Variants in XRCC4 observed in about 807,000 individuals in gnomAD.
The protein encoded by XRCC4 is X-ray repair cross complementing 4.
Under a neutral mutation model 39.1 loss-of-function variants are expected in XRCC4, and 28 were observed. That is an observed-to-expected ratio of 0.72 (90% confidence interval 0.53 to 0.98). The LOEUF is 0.98. Ranked by LOEUF, XRCC4 falls within the 50% of genes least tolerant of loss-of-function variation. The pLI, the probability that XRCC4 is intolerant of heterozygous loss-of-function variation, is 0.00. For missense variants in XRCC4, 350 were observed against 376.4 expected (o/e 0.93, Z 0.58); for synonymous variants, 123 against 126.4 (o/e 0.97, Z 0.18).
chr5:83,113,581 C>T (rs1277842827), intron 3 of XRCC4, among the ~76,000 whole-genome samples: 1 of 152,172 alleles, frequency 6.6e-6, no homozygotes, highest in East Asian at 1.9e-4. Context: ...GAGGGCCCTG[C>T]CCCTGCAGCA....
chr5:83,359,365 T>C, the XRCC4 span, among the ~76,000 whole-genome samples: 20 of 152,158 alleles, frequency 1.3e-4, no homozygotes, highest in Middle Eastern at 6.8e-3. Context: ...CTAGCCAGAG[T>C]TGATTAGATC....
At chr5:83,162,315 C>A (rs1384345794) in intron 3 of XRCC4, among the ~76,000 whole-genome samples, 1 of 152,032 alleles carries the variant, frequency 6.6e-6, no homozygotes, top group East Asian at 1.9e-4. Context: ...AAGTTGGTTA[C>A]CCTGCTTGCT....
chr5:83,127,939 A>AGTTT (rs1220153847), intron 3 of XRCC4, among the ~76,000 whole-genome samples: 3 of 141,630 alleles, frequency 2.1e-5, no homozygotes, highest in Middle Eastern at 3.6e-3. Flanking sequence ...TAGTTTTGTT[A>AGTTT]GTTTGTTTGT....
chr5:83,164,319 C>G (rs1391733317), intron 3 of XRCC4, among the ~76,000 whole-genome samples: 1 of 152,094 alleles, frequency 6.6e-6, no homozygotes, highest in Admixed American at 6.5e-5. Context: ...TTTTGTTATG[C>G]ATCTTTTAAA....
intron 7 of XRCC4, among the ~76,000 whole-genome samples, chr5:83,282,405 T>A (rs1340743202): frequency 1.3e-5 from 2 of 152,152 alleles, no homozygotes; most frequent in African/African-American, 2.4e-5. Context: ...AGTATAGGAT[T>A]CCATAGGAGT....
Position 83,203,664 on chromosome 5 carries a change from T to G in XRCC4, c.595T>G (p.Leu199Val). The change falls in exon 5 of 8, where the codon TTA becomes GTA. Residue 199 changes from leucine to valine, a missense_variant. Coordinates refer to ENST00000396027, the MANE Select transcript of XRCC4 (RefSeq NM_003401.5). ...TKIRSLHNKL[L>V]NAAQEREKDI... ...AATCAGAAGTTTGCATAATAAATTA[T>G]TAAATGCAGCTCAAGAACGAGAAAA... 3 of 1,609,806 alleles carry G rather than the reference T, an allele frequency of 1.9e-6. No individual in the cohort carries two copies. The highest frequency in any genetic ancestry group is 2.5e-6 in the Non-Finnish European group (3 of 1,178,370).
rs761479059 is a variant in XRCC4, at chr5:83,203,591, T to G, written c.522T>G (p.Thr174=). 11 of 1,604,096 alleles carry G rather than the reference T, an allele frequency of 6.9e-6. No individual in the cohort carries two copies. Among genetic ancestry groups the G allele is most frequent in the African/African-American group, 5.4e-5 (4 of 74,216 alleles). ...KCVSAKEALE[T]DLYKRFILVL... ...TGAGTGCTAAGGAAGCTTTGGAGAC[T>G]GATCTTTATAAGCGGTTTATTCTGG... Residue 174 remains threonine, a synonymous_variant, in exon 5 of 8, where the codon ACT becomes ACG. Coordinates refer to ENST00000396027, the MANE Select transcript of XRCC4 (RefSeq NM_003401.5).
chr5:83,321,383 G>T (rs1219313534), intron 7 of XRCC4, among the ~76,000 whole-genome samples: 1 of 152,050 alleles, frequency 6.6e-6, no homozygotes, highest in African/African-American at 2.4e-5. Context: ...AGATATTTTG[G>T]AATGATGTAG....
chr5:83,137,254 T>C (rs1374522045), intron 3 of XRCC4, among the ~76,000 whole-genome samples: 2 of 152,164 alleles, frequency 1.3e-5, no homozygotes, highest in Admixed American at 6.5e-5. Flanking sequence ...ATATTTTATA[T>C]ATGAATGAAG....
chr5:83,160,631 C>G (rs75777480), intron 3 of XRCC4, among the ~76,000 whole-genome samples: 3 of 152,080 alleles, frequency 2.0e-5, no homozygotes, highest in Non-Finnish European at 2.9e-5. Context: ...ATTCTTACTT[C>G]GGAAAATATT....
At chr5:83,313,777 A>T (rs1027895623) in intron 7 of XRCC4, among the ~76,000 whole-genome samples, 1 of 152,066 alleles carries the variant, frequency 6.6e-6, no homozygotes, top group African/African-American at 2.4e-5. Context: ...GCTATTCTTG[A>T]TCACAGTATT....
intron 5 of XRCC4, among the ~76,000 whole-genome samples, chr5:83,204,062 G>T (rs1290386479): frequency 2.6e-5 from 4 of 152,130 alleles, no homozygotes; most frequent in Non-Finnish European, 5.9e-5. Flanking sequence ...TCTAGGCAAT[G>T]ATTAACTTTA....
At chr5:83,219,513 A>C (rs561061413) in intron 6 of XRCC4, among the ~76,000 whole-genome samples, 5 of 152,194 alleles carry the variant, frequency 3.3e-5, no homozygotes, top group African/African-American at 7.2e-5. Flanking sequence ...GAAGTCTACA[A>C]TAGACGAGAT....
chr5:83,176,628 A>ATT (rs112213729), intron 3 of XRCC4, among the ~76,000 whole-genome samples: 47,565 of 145,640 alleles, frequency 0.33, 8,335 homozygotes, highest in Non-Finnish European at 0.4. Context: ...AAGTATTGGA[A>ATT]TTTTTTTTTT....
chr5:83,247,244 C>T (rs16900261), intron 6 of XRCC4, among the ~76,000 whole-genome samples: 8,598 of 152,196 alleles, frequency 0.056, 891 homozygotes, highest in East Asian at 0.48. Flanking sequence ...AGGTAGCCAA[C>T]CAAGTAAGAT....
intron 3 of XRCC4, among the ~76,000 whole-genome samples, chr5:83,170,991 A>G (rs1749696176): frequency 6.6e-6 from 1 of 152,160 alleles, no homozygotes; most frequent in African/African-American, 2.4e-5. Flanking sequence ...CTAGTTTCAG[A>G]AAAGGAAAAA....
rs547431664 is a variant in XRCC4, at chr5:83,094,005, A to C, written c.-10-10905A>C. ...TTTTATTGGAACCCTTTTATGTGTG[A>C]TTTCTTTATTATCTTTTGCTGTTTT... is the stretch of plus-strand genomic sequence containing the variant. On this transcript the variant is annotated intron_variant, in intron 1 of 7. Coordinates refer to ENST00000396027, the MANE Select transcript of XRCC4 (RefSeq NM_003401.5). Among the ~76,000 whole-genome samples, 4 of 151,876 alleles carry C rather than the reference A, an allele frequency of 2.6e-5. No homozygotes were observed. In the South Asian group the frequency reaches 8.3e-4, roughly 32 times the overall value.
chr5:83,341,347 C>A (rs1756753225), intron 7 of XRCC4, among the ~76,000 whole-genome samples: 1 of 152,086 alleles, frequency 6.6e-6, no homozygotes. Flanking sequence ...CACATATATA[C>A]ATGCACATAT....
chr5:83,186,008 GACAA>G (rs550444278), intron 3 of XRCC4, among the ~76,000 whole-genome samples: 27 of 152,216 alleles, frequency 1.8e-4, no homozygotes, highest in African/African-American at 6.0e-4. Flanking sequence ...TAACTTCACT[GACAA>G]ACACTTTCTG....
Sources: gnomAD v4.1 joint callset for allele counts (sites outside exome capture counted in the v4.1 genomes callset) on GRCh38, gnomAD v4.1.1 for gene constraint, MANE v1.5 for transcripts, NCBI Gene and HGNC (gene_info 2026-07-23, HGNC 2026-07-21) for gene names.